PRKCA: variants seen among roughly 807,000 people sequenced by gnomAD.
PRKCA encodes protein kinase C alpha.
A neutral mutation model predicts 87.0 loss-of-function variants in PRKCA; 27 were observed. The ratio of observed to expected loss-of-function variants is 0.31; its 90% confidence interval spans 0.23 to 0.43. The LOEUF (loss-of-function observed/expected upper bound fraction) is 0.43, where lower values mean the gene tolerates loss of function less well. PRKCA is among the 20% of genes least tolerant of loss of function. The pLI is 1.00. For missense variants in PRKCA, 518 were observed against 852.3 expected (o/e 0.61, Z 4.88); for synonymous variants, 329 against 311.1 (o/e 1.06, Z -0.61).
chr17:66,651,307 G>A (rs540346225), intron 5 of PRKCA, among the ~76,000 whole-genome samples: 8 of 152,270 alleles, frequency 5.3e-5, no homozygotes, highest in South Asian at 2.1e-4. Context: ...GGAGCCATGC[G>A]CACAGGCTCT....
At chr17:66,744,074 C>T (rs1328520358) in intron 13 of PRKCA, among the ~76,000 whole-genome samples, 1 of 152,120 alleles carries the variant, frequency 6.6e-6, no homozygotes, top group Non-Finnish European at 1.5e-5. Context: ...AGGGAAGCTG[C>T]TTTTTATTCC....
rs557723325 is a variant in PRKCA, at chr17:66,457,322, G to T, written c.206-38879G>T. On this transcript the variant is annotated intron_variant, in intron 2 of 16. Coordinates refer to ENST00000413366, the MANE Select transcript of PRKCA (RefSeq NM_002737.3). ...CATTTGGGGTGAAGAGATGTGTGGG[G>T]TTTCTTAGTGTAGGGGATGGTCGTG... is the stretch of plus-strand genomic sequence containing the variant. Among the ~76,000 whole-genome samples, 8 of 152,184 alleles carry T rather than the reference G, an allele frequency of 5.3e-5. No individual in the cohort carries two copies. The East Asian group carries it at 9.7e-4, about 18-fold the overall frequency.
intron 2 of PRKCA, among the ~76,000 whole-genome samples, chr17:66,454,979 C>A (rs1016147914): frequency 2.0e-5 from 3 of 152,150 alleles, no homozygotes; most frequent in African/African-American, 7.2e-5. Context: ...CGGCAGATGG[C>A]GGACCCAGGC....
At chr17:66,530,506 T>C (rs1442737380) in intron 3 of PRKCA, among the ~76,000 whole-genome samples, 2 of 152,194 alleles carry the variant, frequency 1.3e-5, no homozygotes, top group East Asian at 3.9e-4. Context: ...AGCTTTGCAA[T>C]TTGCTGCCTC....
intron 2 of PRKCA, among the ~76,000 whole-genome samples, chr17:66,346,468 T>C (rs1406442822): frequency 6.6e-6 from 1 of 151,992 alleles, no homozygotes; most frequent in African/African-American, 2.4e-5. Flanking sequence ...GATGGACTTT[T>C]GAACTCTTGG....
At chr17:66,514,918 G>C (rs1245935951) in intron 3 of PRKCA, among the ~76,000 whole-genome samples, 1 of 152,074 alleles carries the variant, frequency 6.6e-6, no homozygotes, top group African/African-American at 2.4e-5. Flanking sequence ...TGCTTTTGTT[G>C]AGCATGTTTC....
intron 3 of PRKCA, 126 bp from the exon 4 acceptor site, chr17:66,641,229 G>A (rs1971288714): frequency 1.7e-6 from 1 of 592,152 alleles, no homozygotes; most frequent in Non-Finnish European, 3.1e-6. Flanking sequence ...TCCAGAGAAT[G>A]ATGCACAGTC....
chr17:66,452,203 C>G (rs1338753921), intron 2 of PRKCA, among the ~76,000 whole-genome samples: 1 of 152,240 alleles, frequency 6.6e-6, no homozygotes, highest in Non-Finnish European at 1.5e-5. Flanking sequence ...GTCTGCACCT[C>G]TGTTCCTTTC....
chr17:66,688,690 C>G (rs2144036911), intron 7 of PRKCA, among the ~76,000 whole-genome samples: 1 of 152,242 alleles, frequency 6.6e-6, no homozygotes. Context: ...GTAGTCCCAG[C>G]TACCCAGGAG....
At chr17:66,449,703 G>A (rs1804174183) in intron 2 of PRKCA, among the ~76,000 whole-genome samples, 1 of 152,182 alleles carries the variant, frequency 6.6e-6, no homozygotes, top group African/African-American at 2.4e-5. Context: ...GACCAGGACA[G>A]GGGGCTGGCT....
chr17:66,571,767 G>T (rs1297806583), intron 3 of PRKCA, among the ~76,000 whole-genome samples: 1 of 152,224 alleles, frequency 6.6e-6, no homozygotes, highest in Admixed American at 6.5e-5. Context: ...CCGTAGAGCA[G>T]ATAAAAGACC....
intron 2 of PRKCA, among the ~76,000 whole-genome samples, chr17:66,323,940 C>A (rs868344464): frequency 2.7e-5 from 4 of 150,554 alleles, no homozygotes; most frequent in African/African-American, 7.3e-5. Flanking sequence ...GATTCTGACT[C>A]AAAAAAAAAT....
chr17:66,657,788 C>T (rs1290499316), intron 5 of PRKCA, among the ~76,000 whole-genome samples: 1 of 152,064 alleles, frequency 6.6e-6, no homozygotes, highest in Admixed American at 6.5e-5. Context: ...ATCCCTCCCA[C>T]CCCAATATGG....
chr17:66,752,894 G>A (rs987494584), intron 13 of PRKCA, among the ~76,000 whole-genome samples: 4 of 152,174 alleles, frequency 2.6e-5, no homozygotes, highest in African/African-American at 7.2e-5. Flanking sequence ...CTTCCAACAC[G>A]TTCTGCAGGT....
At chr17:66,549,141 G>GTTTT (rs538579897) in intron 3 of PRKCA, among the ~76,000 whole-genome samples, 8 of 138,580 alleles carry the variant, frequency 5.8e-5, no homozygotes, top group Non-Finnish European at 1.1e-4. Flanking sequence ...GTTTATGGCA[G>GTTTT]TTTTTTTTTT....
intron 3 of PRKCA, among the ~76,000 whole-genome samples, chr17:66,497,389 A>G (rs1916521502): frequency 6.6e-6 from 1 of 151,930 alleles, no homozygotes; most frequent in Non-Finnish European, 1.5e-5. Context: ...CTAGCTCCTC[A>G]GGAGGCTAAG....
intron 3 of PRKCA, among the ~76,000 whole-genome samples, chr17:66,520,424 C>T (rs187904908): frequency 8.6e-5 from 13 of 151,912 alleles, no homozygotes; most frequent in African/African-American, 1.2e-4. Context: ...CCCAGCCCAC[C>T]GTGCTAATTT....
At chr17:66,596,575 T>A (rs1969985775) in intron 3 of PRKCA, among the ~76,000 whole-genome samples, 1 of 104,144 alleles carries the variant, frequency 9.6e-6, no homozygotes. Context: ...TTAAACCTTT[T>A]TTTTTTTTTT....
At chr17:66,332,477 G>C (rs117399893) in intron 2 of PRKCA, among the ~76,000 whole-genome samples, 5 of 151,572 alleles carry the variant, frequency 3.3e-5, no homozygotes, top group African/African-American at 1.2e-4. Flanking sequence ...ATCCCCCTGC[G>C]TCAGCCTCCC....
Sources: gnomAD v4.1 joint callset for allele counts (sites outside exome capture counted in the v4.1 genomes callset) on GRCh38, gnomAD v4.1.1 for gene constraint, MANE v1.5 for transcripts, NCBI Gene and HGNC (gene_info 2026-07-23, HGNC 2026-07-21) for gene names.